Variants in SQSTM1 observed in about 807,000 individuals in gnomAD.
The protein encoded by SQSTM1 is sequestosome 1, also known as sequestosome-1.
In SQSTM1, 36 loss-of-function variants were observed where a neutral mutation model predicts 45.1. The observed-to-expected ratio is 0.80, with a 90% CI of 0.61 to 1.05. The LOEUF is 1.05. Among genes scored for constraint, SQSTM1 ranks in the 50% least tolerant of loss-of-function variants. The probability of loss-of-function intolerance (pLI) is 0.00; values close to 1 mark genes in which losing one functional copy is unlikely to be tolerated. For synonymous variants in SQSTM1, 290 were observed against 244.3 expected, an observed-to-expected ratio of 1.19 and a Z score of -1.74; for missense variants, 617 against 607.1, an observed-to-expected ratio of 1.02 and a Z score of -0.17.
chr5:179,824,467 C>G, intron 4 of SQSTM1, 144 bp downstream of exon 4: 1 of 1,262,356 alleles, frequency 7.9e-7, no homozygotes, highest in South Asian at 1.3e-5. Context: ...CACAAGAACC[C>G]TGCAAAGTGG....
At chr5:179,811,218 G>A (rs144213181) in intron 1 of SQSTM1, among the ~76,000 whole-genome samples, 1,823 of 151,864 alleles carry the variant, frequency 0.012, 32 homozygotes, top group African/African-American at 0.042. Context: ...GGGCGACAGA[G>A]CGAGACTCCG....
chr5:179,821,688 G>A (rs1209892890), intron 1 of SQSTM1: 2 of 368,606 alleles, frequency 5.4e-6, no homozygotes, highest in Admixed American at 3.1e-5. Flanking sequence ...ACGGATCGCC[G>A]GCGGAACGCT....
chr5:179,812,620 CT>C (rs1303085241), intron 2 of SQSTM1: 2 of 152,204 alleles, frequency 1.3e-5, no homozygotes, highest in Non-Finnish European at 2.9e-5. Flanking sequence ...TTTTTGGCCC[CT>C]CTCATATCCG....
intron 5 of SQSTM1, among the ~76,000 whole-genome samples, chr5:179,831,663 A>G (rs969653873): frequency 1.4e-4 from 21 of 152,156 alleles, no homozygotes; most frequent in Admixed American, 3.3e-4. Flanking sequence ...GACTCTGTCT[A>G]CAAAACAAAG....
chr5:179,831,713 C>T (rs1034826002), intron 5 of SQSTM1, among the ~76,000 whole-genome samples: 1 of 151,880 alleles, frequency 6.6e-6, no homozygotes, highest in African/African-American at 2.4e-5. Context: ...AAACAAAAAG[C>T]GATACAAAGA....
chr5:179,833,797 A>G lies in SQSTM1; in HGVS notation c.1165+15A>G. On this transcript the variant is annotated intron_variant, in intron 7 of 7. Coordinates refer to ENST00000389805, the MANE Select transcript of SQSTM1 (RefSeq NM_003900.5). Reference sequence around the variant, plus strand: ...TCTCCCGCCAGGCAAGTGAACCAAGAGGTTTTGTACATATTCCTACCTTTC... The same window carrying G: ...TCTCCCGCCAGGCAAGTGAACCAAGGGGTTTTGTACATATTCCTACCTTTC... 1 of 1,613,818 alleles carries G rather than the reference A, an allele frequency of 6.2e-7. No individual in the cohort carries two copies. Among genetic ancestry groups the G allele is most frequent in the Non-Finnish European group, 8.5e-7 (1 of 1,179,966 alleles).
At chr5:179,823,090 C>T (rs1757844453) in intron 2 of SQSTM1, 37 bp downstream of exon 2, 1 of 1,580,876 alleles carries the variant, frequency 6.3e-7, no homozygotes, top group Non-Finnish European at 8.7e-7. Context: ...GAAGCCAGCT[C>T]AGCTTGTACT....
chr5:179,827,796 G>A (rs7736542), intron 5 of SQSTM1, among the ~76,000 whole-genome samples: 2,620 of 152,330 alleles, frequency 0.017, 29 homozygotes, highest in Middle Eastern at 0.034. Context: ...TAAGCTGGAT[G>A]ACTCACAGGT....
chr5:179,808,677 G>T (rs1343710433), intron 1 of SQSTM1, among the ~76,000 whole-genome samples: 2 of 151,926 alleles, frequency 1.3e-5, no homozygotes, highest in Non-Finnish European at 2.9e-5. Flanking sequence ...AATTAGCCGG[G>T]TGTGGTGGCT....
At chr5:179,831,915 C>T (rs752411780) in intron 5 of SQSTM1, among the ~76,000 whole-genome samples, 5 of 151,916 alleles carry the variant, frequency 3.3e-5, no homozygotes, top group Non-Finnish European at 5.9e-5. Flanking sequence ...TCCCGAGTAA[C>T]TGAGACTACA....
At chr5:179,833,558 C>A (rs769964072) in intron 6 of SQSTM1, 29 bp from the exon 7 acceptor site, 2 of 1,613,442 alleles carry the variant, frequency 1.2e-6, no homozygotes, top group African/African-American at 2.7e-5. Flanking sequence ...CGCGTGTCTC[C>A]TGTGTGCTCA....
At chr5:179,825,462 G>A (rs1757952631) in intron 5 of SQSTM1, among the ~76,000 whole-genome samples, 1 of 152,208 alleles carries the variant, frequency 6.6e-6, no homozygotes. Flanking sequence ...ATTTGGTTGG[G>A]ATAATCCCAG....
intron 5 of SQSTM1, among the ~76,000 whole-genome samples, chr5:179,827,938 G>C (rs1260029848): frequency 6.6e-6 from 1 of 152,106 alleles, no homozygotes; most frequent in Non-Finnish European, 1.5e-5. Context: ...CTTTTGGTTG[G>C]GGGGCTGAGA....
intron 7 of SQSTM1, 180 bp from the exon 8 acceptor site, chr5:179,836,256 A>G (rs1758549253): frequency 6.4e-6 from 5 of 780,400 alleles, no homozygotes; most frequent in South Asian, 1.5e-5. Flanking sequence ...CAGTGTGAAA[A>G]AGACTGCTTG....
chr5:179,826,600 T>TTG (rs1757999410), intron 5 of SQSTM1, among the ~76,000 whole-genome samples: 2 of 145,112 alleles, frequency 1.4e-5, no homozygotes, highest in South Asian at 2.1e-4. Flanking sequence ...GCTAGTCTGT[T>TTG]TTTTTTTTTT....
intron 7 of SQSTM1, among the ~76,000 whole-genome samples, chr5:179,834,601 G>C (rs1434453012): frequency 6.6e-6 from 1 of 151,748 alleles, no homozygotes; most frequent in Non-Finnish European, 1.5e-5. Context: ...TGAGATTAGG[G>C]AGTGGTGATG....
chr5:179,821,859 G>GA (rs1757795207), intron 1 of SQSTM1, among the ~76,000 whole-genome samples: 1 of 152,126 alleles, frequency 6.6e-6, no homozygotes, highest in South Asian at 2.1e-4. Context: ...AGGAGGGCGG[G>GA]AGGTGGCCAA....
rs547257974 is a variant in SQSTM1 at position 179,821,108 on chromosome 5, C to T, written c.172C>T (p.Leu58=). The part of the protein sequence containing the change: ...LSRVAALFPA[L]RPGGFQAHYR... ...CCGGGTGGCCGCCCTGTTCCCCGCG[C>T]TGCGGCCTGGCGGCTTCCAGGCGCA... Residue 58 remains leucine, a synonymous_variant, in exon 1 of 8, where the codon CTG becomes TTG. Transcript: ENST00000389805. 3 of 1,407,126 alleles carry T rather than the reference C, an allele frequency of 2.1e-6. No homozygotes were observed. The highest frequency in any genetic ancestry group is 6.1e-5 in the East Asian group (2 of 32,672). 87.2% of individuals were successfully genotyped at this position (1,407,126 alleles called of 1,614,324 possible).
At position 179,837,712 on chromosome 5, in the gene SQSTM1, T is replaced by G; in HGVS notation, c.*1119T>G. 6.2e-7 allele frequency: 1 copy of G among 1,614,226 alleles called. No homozygotes were observed. Among genetic ancestry groups the G allele is most frequent in the East Asian group, 2.2e-5 (1 of 44,894 alleles). Reference sequence around the variant, plus strand: ...GCTCACTGTCCACATGTGAACTTTTTCTAGGTGGCAGGACAAATTGCGCCC... The same window carrying G: ...GCTCACTGTCCACATGTGAACTTTTGCTAGGTGGCAGGACAAATTGCGCCC... On this transcript the variant is annotated 3_prime_UTR_variant, in exon 8 of 8. Transcript: ENST00000389805.
Sources: gnomAD v4.1 joint callset for allele counts (sites outside exome capture counted in the v4.1 genomes callset) on GRCh38, gnomAD v4.1.1 for gene constraint, MANE v1.5 for transcripts, NCBI Gene and HGNC (gene_info 2026-07-23, HGNC 2026-07-21) for gene names.